GATAD1: variants seen among roughly 807,000 people sequenced by gnomAD.
GATAD1 encodes the protein GATA zinc finger domain containing 1, also known as GATA zinc finger domain-containing protein 1.
GATAD1 carries 12 observed loss-of-function variants against 26.5 expected under a neutral mutation model. The observed-to-expected ratio is 0.45, with a 90% CI of 0.29 to 0.73. The LOEUF is 0.73. Ranked by LOEUF, GATAD1 falls within the 30% of genes least tolerant of loss-of-function variation. The probability of loss-of-function intolerance (pLI) is 0.10; values close to 1 mark genes in which losing one functional copy is unlikely to be tolerated. For missense variants in GATAD1, 266 were observed against 342.1 expected (o/e 0.78, Z 1.75); for synonymous variants, 129 against 133.1 (o/e 0.97, Z 0.21).
intron 2 of GATAD1, 195 bp downstream of exon 2, chr7:92,449,072 C>G (rs1327243632): frequency 9.6e-7 from 1 of 1,045,666 alleles, no homozygotes; most frequent in Non-Finnish European, 1.3e-6. Flanking sequence ...TAATAATACT[C>G]TTTCCTTTTT....
chr7:92,453,831 G>A (rs573470744), intron 3 of GATAD1, among the ~76,000 whole-genome samples: 23 of 152,244 alleles, frequency 1.5e-4, no homozygotes, highest in Non-Finnish European at 2.4e-4. Flanking sequence ...TCAGCAAGCC[G>A]TTTAACCTTA....
intron 3 of GATAD1, among the ~76,000 whole-genome samples, chr7:92,452,656 G>C (rs1335808266): frequency 6.6e-6 from 1 of 152,212 alleles, no homozygotes; most frequent in Non-Finnish European, 1.5e-5. Flanking sequence ...AGACTACTCA[G>C]ATCAGTGACT....
At position 92,450,777 on chromosome 7, in the gene GATAD1, T is replaced by A. The variant is rs1021060263; in HGVS notation, c.435+17T>A. On this transcript the variant is annotated intron_variant, in intron 3 of 4. Transcript: ENST00000287957. The stretch of plus-strand genomic sequence containing the variant: ...TTCTACAAGGTAAGCTTTTGTAGAG[T>A]TACTGAAGGAAGAGTTGGGCCTAGT... 1.3e-6 allele frequency: 2 copies of A among 1,553,126 alleles called. No homozygotes were observed. Among genetic ancestry groups the A allele is most frequent in the Non-Finnish European group, 1.8e-6 (2 of 1,124,652 alleles).
Position 92,455,560 on chromosome 7 carries a change from G to T in GATAD1, c.620-812G>T, listed in dbSNP as rs187485093. On this transcript the variant is annotated intron_variant, in intron 4 of 4. Transcript: ENST00000287957. ...AAACAGTTGTGAGATAGACTCACAAGAATTTACTGATTAATACAATTTTTA... is the reference window on the plus strand; with the variant it reads ...AAACAGTTGTGAGATAGACTCACAATAATTTACTGATTAATACAATTTTTA... Among the ~76,000 whole-genome samples, 337 of 152,238 alleles carry T rather than the reference G, an allele frequency of 2.2e-3. 1 individual carries two copies. The highest frequency in any genetic ancestry group is 4.1e-3 in the Non-Finnish European group (276 of 68,012).
the GATAD1 span, among the ~76,000 whole-genome samples, chr7:92,478,737 A>G: frequency 3.3e-5 from 5 of 152,198 alleles, no homozygotes; most frequent in Admixed American, 6.5e-5. Flanking sequence ...TTTCTAACAG[A>G]AAAGACAGCT....
At chr7:92,474,927 T>C in the GATAD1 span, 1 of 152,154 alleles carries the variant, frequency 6.6e-6, no homozygotes, top group Admixed American at 6.5e-5. Context: ...GTTCACTGTT[T>C]ACCCTTTTGT....
the GATAD1 span, among the ~76,000 whole-genome samples, chr7:92,486,824 G>C: frequency 6.6e-6 from 1 of 152,122 alleles, no homozygotes; most frequent in African/African-American, 2.4e-5. Flanking sequence ...TTATAATTTA[G>C]TTCATATATG....
In GATAD1 at chr7:92,447,945, T is replaced by G. The variant is rs1562816365; in HGVS notation, c.216T>G (p.Pro72=). 1 of 1,231,344 alleles carries G rather than the reference T, an allele frequency of 8.1e-7. No individual in the cohort carries two copies. The highest frequency in any genetic ancestry group is 3.3e-5 in the East Asian group (1 of 30,396). The allele number at this position is 1,231,344 out of a possible 1,614,324, so 76.3% of individuals were successfully genotyped here. A position where few individuals can be genotyped will look rare whatever the true frequency, so the allele number is the denominator to read the frequency against. Residue 72 remains proline (P), a synonymous_variant, in exon 1 of 5, where the codon CCT becomes CCG. Coordinates refer to ENST00000287957, the MANE Select transcript of GATAD1 (RefSeq NM_021167.5). ...CCTTCGCCAGCACCTCCGCCACCCCTCCGCAGAGCAACGGGGGCGGGGGCG... is the reference window on the plus strand; with the variant it reads ...CCTTCGCCAGCACCTCCGCCACCCCGCCGCAGAGCAACGGGGGCGGGGGCG... ...AATFASTSAT[P]PQSNGGGGGK...
the GATAD1 span, among the ~76,000 whole-genome samples, chr7:92,488,264 G>T: frequency 6.6e-6 from 1 of 152,158 alleles, no homozygotes; most frequent in African/African-American, 2.4e-5. Context: ...TATGCTTTGG[G>T]AGGTGGTGGG....
chr7:92,469,870 G>A, the GATAD1 span: 4 of 777,356 alleles, frequency 5.1e-6, no homozygotes, highest in Non-Finnish European at 9.6e-6. Flanking sequence ...CCCAGTGAGG[G>A]TGGTATTAAA....
chr7:92,478,664 G>T, the GATAD1 span, among the ~76,000 whole-genome samples: 2 of 152,198 alleles, frequency 1.3e-5, no homozygotes, highest in African/African-American at 4.8e-5. Context: ...GCTAGAAAGA[G>T]TAAAGGTTTT....
the GATAD1 span, among the ~76,000 whole-genome samples, chr7:92,474,289 G>A: frequency 2.0e-5 from 3 of 152,194 alleles, no homozygotes; most frequent in African/African-American, 7.2e-5. Context: ...AATGTCTGCA[G>A]CTGACTGAGT....
chr7:92,473,397 A>AG, the GATAD1 span, among the ~76,000 whole-genome samples: 1 of 151,930 alleles, frequency 6.6e-6, no homozygotes, highest in African/African-American at 2.4e-5. Flanking sequence ...CTTGGGTCTG[A>AG]GGGGGTACTG....
the GATAD1 span, chr7:92,491,718 C>T: frequency 3.9e-6 from 2 of 506,676 alleles, no homozygotes; most frequent in East Asian, 3.6e-5. Context: ...AATTTACCAA[C>T]CATCCCCCAA....
rs1190450525 is a variant in GATAD1 at position 92,447,625 on chromosome 7, C to A, written c.-105C>A. ...GGCAGCTCCGTGCCGACGCTCTCACCGCTCTTCCTATCGCCGGGAGTGGCG... is the reference window on the plus strand; with the variant it reads ...GGCAGCTCCGTGCCGACGCTCTCACAGCTCTTCCTATCGCCGGGAGTGGCG... On this transcript the variant is annotated 5_prime_UTR_variant, in exon 1 of 5. Coordinates refer to ENST00000287957, the MANE Select transcript of GATAD1 (RefSeq NM_021167.5). 3 of 1,311,058 alleles carry A rather than the reference C, an allele frequency of 2.3e-6. No individual in the cohort carries two copies. Among genetic ancestry groups the A allele is most frequent in the Non-Finnish European group, 2.9e-6 (3 of 1,024,700 alleles). The allele number at this position is 1,311,058 out of a possible 1,614,324, so 81.2% of individuals were successfully genotyped here.
chr7:92,454,601 T>C lies in GATAD1; in HGVS notation c.535T>C (p.Cys179Arg). ...QIRGFIQDQYCEKSAALTWLI... is the reference protein window; with the variant it reads ...QIRGFIQDQYREKSAALTWLI... ...CAGAGGTTTTATCCAGGACCAGTAT[T>C]GCGAGAAGAGTGCAGCACTGACGTG... Residue 179 changes from cysteine (C) to arginine (R), a missense_variant, in exon 4 of 5, where the codon TGC (cysteine) becomes CGC (arginine). Physicochemically the swap from Cys to Arg is radical, Grantham distance 180. Transcript: ENST00000287957. The C allele has an allele frequency of 6.2e-7, 1 of 1,613,582 alleles. No homozygotes were observed. The highest frequency in any genetic ancestry group is 8.5e-7 in the Non-Finnish European group (1 of 1,179,444).
At chr7:92,473,519 C>A in the GATAD1 span, among the ~76,000 whole-genome samples, 10 of 151,984 alleles carry the variant, frequency 6.6e-5, no homozygotes, top group South Asian at 1.7e-3. Flanking sequence ...TAATTCCTTC[C>A]TCAAGCAGGG....
At chr7:92,469,917 A>G in the GATAD1 span, 2 of 778,712 alleles carry the variant, frequency 2.6e-6, no homozygotes, top group Non-Finnish European at 4.8e-6. Flanking sequence ...GGAGGGTTTC[A>G]TGTAGTTTTG....
At chr7:92,481,498 G>A in the GATAD1 span, among the ~76,000 whole-genome samples, 1 of 152,336 alleles carries the variant, frequency 6.6e-6, no homozygotes, top group South Asian at 2.1e-4. Flanking sequence ...CTACCGCATG[G>A]AGACATGATG....
Sources: gnomAD v4.1 joint callset for allele counts (sites outside exome capture counted in the v4.1 genomes callset) on GRCh38, gnomAD v4.1.1 for gene constraint, MANE v1.5 for transcripts, NCBI Gene and HGNC (gene_info 2026-07-23, HGNC 2026-07-21) for gene names.